Variants in REV1 observed in about 807,000 individuals in gnomAD.
REV1 encodes the protein REV1 DNA directed polymerase.
A neutral mutation model predicts 137.4 loss-of-function variants in REV1; 42 were observed. That is an observed-to-expected ratio of 0.31 (90% CI 0.24 to 0.40). REV1 has a LOEUF of 0.40. REV1 is among the 10% of genes least tolerant of loss of function. The pLI is 1.00. For missense variants in REV1, 1,282 were observed against 1,490.1 expected (o/e 0.86, Z 2.30); for synonymous variants, 524 against 519.2 (o/e 1.01, Z -0.12).
intron 1 of REV1, among the ~76,000 whole-genome samples, chr2:99,467,050 C>G (rs1684889390): frequency 6.6e-6 from 1 of 151,946 alleles, no homozygotes; most frequent in South Asian, 2.1e-4. Flanking sequence ...AAACACATAC[C>G]CCGATAATTA....
intron 1 of REV1, among the ~76,000 whole-genome samples, chr2:99,474,285 T>C (rs890625214): frequency 3.3e-4 from 51 of 152,314 alleles, no homozygotes; most frequent in South Asian, 8.3e-4. Flanking sequence ...TTGCACACAA[T>C]AGTTGACTTC....
intron 9 of REV1, among the ~76,000 whole-genome samples, chr2:99,425,536 A>T (rs890649497): frequency 6.6e-6 from 1 of 152,208 alleles, no homozygotes. Context: ...CCTATGGTCA[A>T]CAGGCTTTGT....
intron 3 of REV1, among the ~76,000 whole-genome samples, chr2:99,455,095 T>C (rs1008720786): frequency 1.3e-5 from 2 of 152,224 alleles, no homozygotes; most frequent in African/African-American, 4.8e-5. Flanking sequence ...TAGCTAGATC[T>C]CTATTGAGAA....
chr2:99,451,459 C>T (rs1682911575), intron 3 of REV1: 2 of 1,303,964 alleles, frequency 1.5e-6, no homozygotes, highest in African/African-American at 3.0e-5. Context: ...CTTCTGAAAG[C>T]TCTTACATAT....
Position 99,464,343 on chromosome 2 carries a change from G to A in REV1, c.54+579C>T, listed in dbSNP as rs373913101. ...TTTGCTGATTATTAAAATATTATAT[G>A]CTCACTATGAAGTTTCTTTTCAGAA... is the stretch of plus-strand genomic sequence containing the variant. On this transcript the variant is annotated intron_variant, in intron 2 of 22. Coordinates refer to ENST00000258428, the MANE Select transcript of REV1 (RefSeq NM_016316.4). Among the ~76,000 whole-genome samples, 12 of 152,090 alleles carry A rather than the reference G, an allele frequency of 7.9e-5. No homozygotes were observed. In the East Asian group the frequency reaches 9.6e-4, roughly 12 times the overall value.
At chr2:99,469,720 T>C (rs1326703738) in intron 1 of REV1, among the ~76,000 whole-genome samples, 1 of 152,186 alleles carries the variant, frequency 6.6e-6, no homozygotes, top group African/African-American at 2.4e-5. Flanking sequence ...TTTCCTAATG[T>C]TTTATCTTTT....
In REV1 at chr2:99,438,800, T is replaced by C. The variant is rs3087391; in HGVS notation, c.1014A>G (p.Ser338=). The C allele has an allele frequency of 1.9e-6, 3 of 1,614,280 alleles. No homozygotes were observed. The highest frequency in any genetic ancestry group is 2.2e-5 in the South Asian group (2 of 91,090). The change falls in exon 6 of 23, where the codon TCA becomes TCG. Residue 338 remains serine (S), a synonymous_variant. Coordinates refer to ENST00000258428, the MANE Select transcript of REV1 (RefSeq NM_016316.4). ...TGCAGTCTGAAGGTTTGGATGGCAC[T>C]GAAGGTGCTGCCTTGCTAAACGTAG... ...SVSTFSKAAP[S]VPSKPSDCNF...
At chr2:99,411,218 A>G (rs1181765455) in intron 13 of REV1, among the ~76,000 whole-genome samples, 3 of 151,830 alleles carry the variant, frequency 2.0e-5, no homozygotes, top group Admixed American at 2.0e-4. Context: ...AACCCAGGAG[A>G]CGGAGGTTGC....
Position 99,401,341 on chromosome 2 carries a change from T to G in REV1, c.3656A>C (p.Gln1219Pro). 1.9e-6 allele frequency: 3 copies of G among 1,612,056 alleles called. No homozygotes were observed. The highest frequency in any genetic ancestry group is 1.7e-6 in the Non-Finnish European group (2 of 1,178,374). Residue 1219 changes from glutamine to proline, a missense_variant, in exon 23 of 23, where the codon CAA (glutamine) becomes CCA (proline). Around this residue, in one of 7 missense-constraint regions of REV1, gnomAD observed 43 missense variants for 79.1 expected, o/e 0.54. Coordinates refer to ENST00000258428, the MANE Select transcript of REV1 (RefSeq NM_016316.4). ...CATATTCCAAACCGATTCCACCGAT[T>G]GCTGCATCAGCCTAAAGGTGGGGAG... Reference protein sequence around the residue: ...VIKYMKRLMQQSVESVWNMAF... With the variant: ...VIKYMKRLMQPSVESVWNMAF...
chr2:99,419,310 T>C (rs1678340713), intron 11 of REV1, among the ~76,000 whole-genome samples: 1 of 149,692 alleles, frequency 6.7e-6, no homozygotes, highest in Non-Finnish European at 1.5e-5. Flanking sequence ...CCTCCTGGGC[T>C]CCAGCCATTC....
At position 99,416,912 on chromosome 2, in the gene REV1, C is replaced by CAAAAA. The variant is rs755184253; in HGVS notation, c.1951+1911_1951+1915dup. 1.1e-3 allele frequency among the ~76,000 whole-genome samples: 88 copies of CAAAAA among 77,806 alleles called. 3 individuals carry two copies. Among genetic ancestry groups the CAAAAA allele is most frequent in the East Asian group, 1.8e-3 (3 of 1,694 alleles). 51.0% of individuals were successfully genotyped at this position (77,806 alleles called of 152,430 possible). ...TGGGCAACAGAGCAAGACTCCATCT[C>CAAAAA]AAAAAAAAAAAAAAAAAAAAAGAAA... On this transcript the variant is annotated intron_variant, in intron 12 of 22. Transcript: ENST00000258428.
chr2:99,451,587 TTTGGAGAAGTTGTTTAA>T (rs1682928179), intron 3 of REV1: 1 of 865,078 alleles, frequency 1.2e-6, no homozygotes, highest in Non-Finnish European at 1.7e-6. Context: ...GTTGTGTGAC[TTTGGAGAAGTTGTTTAA>T]CTTCTTTAGG....
chr2:99,459,267 G>GT (rs1337422376), intron 3 of REV1, among the ~76,000 whole-genome samples: 1 of 151,864 alleles, frequency 6.6e-6, no homozygotes, highest in African/African-American at 2.4e-5. Context: ...AACTGTATCA[G>GT]TATCAATTTC....
At chr2:99,478,457 G>A (rs556355966) in intron 1 of REV1, among the ~76,000 whole-genome samples, 2 of 152,304 alleles carry the variant, frequency 1.3e-5, no homozygotes, top group East Asian at 3.9e-4. Context: ...ACAAAAGAAT[G>A]TTCTAGAGAT....
chr2:99,407,940 A>T, intron 15 of REV1, 89 bp downstream of exon 15: 1 of 699,000 alleles, frequency 1.4e-6, no homozygotes. Flanking sequence ...AAGTCCCTAT[A>T]CACCAGCAAT....
At chr2:99,454,320 C>T (rs192641571) in intron 3 of REV1, among the ~76,000 whole-genome samples, 3 of 152,084 alleles carry the variant, frequency 2.0e-5, no homozygotes, top group Middle Eastern at 3.4e-3. Flanking sequence ...TAGGCCACAG[C>T]GGGTGGATCC....
At chr2:99,428,551 G>A (rs750520254) in intron 9 of REV1, among the ~76,000 whole-genome samples, 4 of 152,070 alleles carry the variant, frequency 2.6e-5, no homozygotes, top group African/African-American at 9.7e-5. Context: ...AAGCATGCAC[G>A]TTTGAACTTA....
chr2:99,412,428 CTCA>C (rs1677304050), intron 13 of REV1, among the ~76,000 whole-genome samples: 1 of 151,882 alleles, frequency 6.6e-6, no homozygotes, highest in Admixed American at 6.6e-5. Flanking sequence ...AAATATTTTT[CTCA>C]TCTTTTTTAT....
At chr2:99,473,515 C>T (rs1170515976) in intron 1 of REV1, among the ~76,000 whole-genome samples, 1 of 152,210 alleles carries the variant, frequency 6.6e-6, no homozygotes, top group Non-Finnish European at 1.5e-5. Flanking sequence ...CAACAGTTCA[C>T]ATTCTAAGCA....
Sources: gnomAD v4.1 joint callset for allele counts (sites outside exome capture counted in the v4.1 genomes callset) on GRCh38, gnomAD v4.1.1 for gene constraint, gnomAD v4.1.1 regional missense constraint, MANE v1.5 for transcripts, NCBI Gene and HGNC (gene_info 2026-07-23, HGNC 2026-07-21) for gene names.